Variants in ODAD3 observed in about 807,000 individuals in gnomAD.
The protein encoded by ODAD3 is outer dynein arm-docking complex subunit 3.
In ODAD3, 57 loss-of-function variants were observed where a neutral mutation model predicts 70.9. The observed-to-expected ratio is 0.80, with a 90% CI of 0.65 to 1.00. The LOEUF (loss-of-function observed/expected upper bound fraction) is 1.00. Among genes scored for constraint, ODAD3 ranks in the 50% least tolerant of loss-of-function variants. ODAD3 has a pLI of 0.00. For synonymous variants in ODAD3, 327 were observed against 315.9 expected (o/e 1.04, Z -0.37); for missense variants, 797 against 763.9 (o/e 1.04, Z -0.51).
At chr19:11,432,083 C>T (rs923244557) in intron 1 of ODAD3, among the ~76,000 whole-genome samples, 2 of 152,080 alleles carry the variant, frequency 1.3e-5, no homozygotes, top group East Asian at 1.9e-4. Flanking sequence ...TGCACTCCAG[C>T]CTGGGCAACA....
intron 3 of ODAD3, among the ~76,000 whole-genome samples, chr19:11,427,551 G>A (rs1487535568): frequency 1.0e-4 from 15 of 150,134 alleles, no homozygotes; most frequent in African/African-American, 3.7e-4. Context: ...GCACGATCTC[G>A]GCTCACTGCA....
upstream of ODAD3, chr19:11,435,766 G>A: frequency 7.2e-7 from 1 of 1,385,144 alleles, no homozygotes; most frequent in Non-Finnish European, 9.5e-7. Flanking sequence ...CAACCGGAGG[G>A]TGCATGTGTG....
chr19:11,427,478 C>G (rs914917427), intron 3 of ODAD3, among the ~76,000 whole-genome samples: 12 of 100,962 alleles, frequency 1.2e-4, no homozygotes, highest in South Asian at 4.0e-4. Context: ...TTTTTGTTTT[C>G]TTTTCTTTTT....
At position 11,434,999 on chromosome 19, in the gene ODAD3, G is replaced by C; in HGVS notation, c.18C>G (p.Cys6Trp). ...GCAGGGCGTTGGCGGAGGCCGCCCTGCACAGAGGAGATGTCATGATGGGGT... is the reference window on the plus strand; with the variant it reads ...GCAGGGCGTTGGCGGAGGCCGCCCTCCACAGAGGAGATGTCATGATGGGGT... MTSPL[C>W]RAASANALPP... The change falls in exon 1 of 13, where the codon TGC becomes TGG. Residue 6 changes from cysteine (C) to tryptophan (W), a missense_variant. By Grantham distance (215) the Cys-to-Trp change is radical. Transcript: ENST00000356392. 1 of 1,611,848 alleles carries C rather than the reference G, an allele frequency of 6.2e-7. No homozygotes were observed. The highest frequency in any genetic ancestry group is 8.5e-7 in the Non-Finnish European group (1 of 1,179,916).
chr19:11,426,885 C>T lies in ODAD3; in HGVS notation c.600G>A (p.Thr200=), dbSNP rs1183871433. The T allele has an allele frequency of 1.9e-6, 3 of 1,609,454 alleles. No homozygotes were observed. The highest frequency in any genetic ancestry group is 1.1e-5 in the South Asian group (1 of 90,860). ...CACCCGCCCCTACCTTGGCCACCTC[C>T]GTGTGTCTGTTTTGCGCCTCCGCCA... ...LEMAEAQNRH[T]EVAKTMRNLE... Residue 200 remains threonine (T), a synonymous_variant, in exon 4 of 13, where the codon ACG becomes ACA. Coordinates refer to ENST00000356392, the MANE Select transcript of ODAD3 (RefSeq NM_145045.5).
chr19:11,434,298 C>A (rs1178756833), intron 1 of ODAD3, among the ~76,000 whole-genome samples: 3 of 150,706 alleles, frequency 2.0e-5, no homozygotes, highest in Admixed American at 6.6e-5. Flanking sequence ...GAGGCGGGCT[C>A]ACGCCTGTAA....
chr19:11,424,219 C>T (rs1232074497), intron 7 of ODAD3, among the ~76,000 whole-genome samples, 190 bp from the exon 8 acceptor site: 2 of 152,016 alleles, frequency 1.3e-5, no homozygotes, highest in South Asian at 4.1e-4. Context: ...AGGTCGGGCG[C>T]GGGGGCGGTG....
intron 8 of ODAD3, among the ~76,000 whole-genome samples, chr19:11,423,150 A>C (rs1312083940): frequency 6.6e-6 from 1 of 152,246 alleles, no homozygotes; most frequent in South Asian, 2.1e-4. Context: ...TCCAAAATCA[A>C]AGTGCCATCA....
rs1969632745 is a variant in ODAD3 at position 11,435,003 on chromosome 19, AGAG to A, written c.11_13del (p.Pro4del). On this transcript the variant is annotated inframe_deletion, in exon 1 of 13. Coordinates refer to ENST00000356392, the MANE Select transcript of ODAD3 (RefSeq NM_145045.5). ...GGCGTTGGCGGAGGCCGCCCTGCACAGAGGAGATGTCATGATGGGGTTGGGGCT... is the reference window on the plus strand; with the variant it reads ...GGCGTTGGCGGAGGCCGCCCTGCACAGAGATGTCATGATGGGGTTGGGGCT... 3 of 1,611,478 alleles carry A rather than the reference AGAG, an allele frequency of 1.9e-6. No individual in the cohort carries two copies. The highest frequency in any genetic ancestry group is 1.7e-6 in the Non-Finnish European group (2 of 1,179,732).
rs1969167080 is a variant in ODAD3 at position 11,422,656 on chromosome 19, G to A, written c.1278-29C>T. The stretch of plus-strand genomic sequence containing the variant: ...CAGGGAGCCGGGAGGTCACCCCGGG[G>A]GCTCAGCCCGCCCCGCCGCCCTCCC... On this transcript the variant is annotated intron_variant, in intron 9 of 12. Coordinates refer to ENST00000356392, the MANE Select transcript of ODAD3 (RefSeq NM_145045.5). This position sits in a 1 kb window ranked among gnomAD's most constrained non-coding sequence, Gnocchi z 4.6. 6.2e-7 allele frequency: 1 copy of A among 1,605,698 alleles called. No homozygotes were observed. The highest frequency in any genetic ancestry group is 8.5e-7 in the Non-Finnish European group (1 of 1,176,836).
Position 11,425,342 on chromosome 19 carries a change from T to C in ODAD3, c.963+802A>G, listed in dbSNP as rs929192890. On this transcript the variant is annotated intron_variant, in intron 7 of 12. Coordinates refer to ENST00000356392, the MANE Select transcript of ODAD3 (RefSeq NM_145045.5). The stretch of plus-strand genomic sequence containing the variant: ...GTGTATATGTACATATGTGTATATA[T>C]GTATATATGTGTATATGTACATATG... Among the ~76,000 whole-genome samples the C allele has an allele frequency of 5.3e-5, 7 of 133,052 alleles. 1 individual carries two copies. In the South Asian group the frequency reaches 1.6e-3, roughly 30 times the overall value. The allele number at this position is 133,052 out of a possible 152,430, so 87.3% of individuals were successfully genotyped here. A position where few individuals can be genotyped will look rare whatever the true frequency, so the allele number is the denominator to read the frequency against.
At chr19:11,435,594 A>C (rs1047982619), upstream of ODAD3, 2 of 970,112 alleles carry the variant, frequency 2.1e-6, no homozygotes, top group Non-Finnish European at 2.9e-6. Flanking sequence ...CCGGTGCGGA[A>C]CGTACGACCG....
rs1209232478 is a variant in ODAD3 at position 11,425,523 on chromosome 19, ATATG to A, written c.963+617_963+620del. Among the ~76,000 whole-genome samples, 30 of 144,668 alleles carry A rather than the reference ATATG, an allele frequency of 2.1e-4. 3 individuals are homozygous for A. Among genetic ancestry groups the A allele is most frequent in the African/African-American group, 7.3e-4 (28 of 38,196 alleles). 94.9% of individuals were successfully genotyped at this position (144,668 alleles called of 152,430 possible). A position where few individuals can be genotyped will look rare whatever the true frequency, so the allele number is the denominator to read the frequency against. On this transcript the variant is annotated intron_variant, in intron 7 of 12. Coordinates refer to ENST00000356392, the MANE Select transcript of ODAD3 (RefSeq NM_145045.5). ...TGTATATATGTGTGTATATATGTAT[ATATG>A]TATATATGTGTGTATGTATGTATAT... is the stretch of plus-strand genomic sequence containing the variant.
chr19:11,428,138 G>T (rs1376340382), intron 3 of ODAD3, among the ~76,000 whole-genome samples: 1 of 151,834 alleles, frequency 6.6e-6, no homozygotes, highest in Non-Finnish European at 1.5e-5. Context: ...GTCTCGCTAT[G>T]TGGCTCAGGC....
chr19:11,425,373 A>C (rs1467822676), intron 7 of ODAD3, among the ~76,000 whole-genome samples: 1 of 133,366 alleles, frequency 7.5e-6, no homozygotes, highest in Admixed American at 7.1e-5. Context: ...ATATGTGTAT[A>C]TATGTGTGTA....
chr19:11,425,216 T>C (rs779120294), intron 7 of ODAD3, among the ~76,000 whole-genome samples: 2 of 128,586 alleles, frequency 1.6e-5, no homozygotes, highest in Non-Finnish European at 3.1e-5. Context: ...TACATATGTG[T>C]ATATATGTGT....
chr19:11,435,337 C>T (rs933022024), upstream of ODAD3: 48 of 593,942 alleles, frequency 8.1e-5, no homozygotes, highest in Admixed American at 7.1e-5. Flanking sequence ...GTCACGTGCT[C>T]ATTCCGTTTC....
In ODAD3 at chr19:11,434,203, A is replaced by C. The variant is rs1423135816; in HGVS notation, c.244+570T>G. On this transcript the variant is annotated intron_variant, in intron 1 of 12. Coordinates refer to ENST00000356392, the MANE Select transcript of ODAD3 (RefSeq NM_145045.5). ...TCTCCAGCCTAGGCGACAGAGCAAG[A>C]CCCTGTCTCAAAAAACAAAAAACAA... Among the ~76,000 whole-genome samples, 3 of 135,014 alleles carry C rather than the reference A, an allele frequency of 2.2e-5. No homozygotes were observed. In the Admixed American group the frequency reaches 2.3e-4, roughly 10 times the overall value. 88.6% of individuals were successfully genotyped at this position (135,014 alleles called of 152,430 possible).
intron 8 of ODAD3, 112 bp downstream of exon 8, chr19:11,423,765 G>A: frequency 8.9e-7 from 1 of 1,119,202 alleles, no homozygotes; most frequent in Non-Finnish European, 1.3e-6. Context: ...CTGAATAACC[G>A]ACCTGGCAGA....
Sources: allele counts gnomAD v4.1 joint callset (sites outside exome capture counted in the v4.1 genomes callset), GRCh38; gene constraint gnomAD v4.1.1; non-coding constraint Gnocchi (gnomAD v3.1); transcripts MANE v1.5; gene names NCBI Gene and HGNC (gene_info 2026-07-23, HGNC 2026-07-21).